Variants in MACROD2 observed in about 807,000 individuals in gnomAD.
The protein encoded by MACROD2 is mono-ADP ribosylhydrolase 2.
In MACROD2, 36 loss-of-function variants were observed where a neutral mutation model predicts 70.4. The ratio of observed to expected loss-of-function variants is 0.51; its 90% CI spans 0.39 to 0.68. The LOEUF (loss-of-function observed/expected upper bound fraction) is 0.68. Ranked by LOEUF, MACROD2 falls within the 30% of genes least tolerant of loss-of-function variation. MACROD2 has a pLI of 0.00. For missense variants in MACROD2, 496 were observed against 538.4 expected, an observed-to-expected ratio of 0.92 and a Z score of 0.78; for synonymous variants, 172 against 178.8, an observed-to-expected ratio of 0.96 and a Z score of 0.30.
intron 8 of MACROD2, among the ~76,000 whole-genome samples, chr20:15,522,979 G>A (rs2047673002): frequency 6.6e-6 from 1 of 152,150 alleles, no homozygotes; most frequent in South Asian, 2.1e-4. Flanking sequence ...CAAAATTATT[G>A]ATGATAAAAA....
At chr20:15,430,738 TAAAG>T (rs975127912) in intron 6 of MACROD2, among the ~76,000 whole-genome samples, 2 of 151,948 alleles carry the variant, frequency 1.3e-5, no homozygotes, top group African/African-American at 4.8e-5. Context: ...TGTACTGACA[TAAAG>T]AACATGTAGC....
intron 6 of MACROD2, among the ~76,000 whole-genome samples, chr20:15,265,272 A>G (rs912020058): frequency 2.0e-5 from 3 of 152,206 alleles, no homozygotes; most frequent in Non-Finnish European, 2.9e-5. Flanking sequence ...CTCAATCAGG[A>G]GTAACTTACT....
At chr20:14,985,651 G>A (rs1194393371) in intron 5 of MACROD2, among the ~76,000 whole-genome samples, 1 of 151,454 alleles carries the variant, frequency 6.6e-6, no homozygotes, top group Non-Finnish European at 1.5e-5. Flanking sequence ...GACTTAATGA[G>A]GGTAGTTTGA....
intron 3 of MACROD2, among the ~76,000 whole-genome samples, chr20:14,104,004 A>C (rs1382181367): frequency 6.6e-6 from 1 of 152,178 alleles, no homozygotes; most frequent in Non-Finnish European, 1.5e-5. Context: ...ACAGACACAC[A>C]TACACATACA....
intron 4 of MACROD2, among the ~76,000 whole-genome samples, chr20:14,584,567 A>G (rs569686826): frequency 2.0e-5 from 3 of 152,172 alleles, no homozygotes; most frequent in East Asian, 3.9e-4. Context: ...AAGACATTTC[A>G]TCATGGGGGC....
chr20:14,494,707 TG>T lies in MACROD2; in HGVS notation c.301+1204del, dbSNP rs1231864641. On this transcript the variant is annotated intron_variant, in intron 4 of 17. Transcript: ENST00000684519. ...GCCAAGTAACTAAGTAATAGAACAG[TG>T]GGGGATTCATAAATGTCTATTTCTT... Among the ~76,000 whole-genome samples, 4 of 152,042 alleles carry T rather than the reference TG, an allele frequency of 2.6e-5. No individual in the cohort carries two copies. In the East Asian group the frequency reaches 7.7e-4, roughly 29 times the overall value.
In MACROD2 at chr20:14,826,347, C is replaced by T. The variant is rs1033865839; in HGVS notation, c.418+141388C>T. On this transcript the variant is annotated intron_variant, in intron 5 of 17. Coordinates refer to ENST00000684519, the MANE Select transcript of MACROD2 (RefSeq NM_001351661.2). The stretch of plus-strand genomic sequence containing the variant: ...TATATCCCCAAGGTTTTAGCATCCT[C>T]ATTGTATATCAGGCTAATGTCTCTA... 7.9e-5 allele frequency among the ~76,000 whole-genome samples: 12 copies of T among 152,092 alleles called. 1 individual carries two copies. Among genetic ancestry groups the T allele is most frequent in the African/African-American group, 2.4e-4 (10 of 41,424 alleles).
At chr20:14,610,584 T>C (rs191677088) in intron 4 of MACROD2, among the ~76,000 whole-genome samples, 1 of 152,232 alleles carries the variant, frequency 6.6e-6, no homozygotes, top group Admixed American at 6.5e-5. Context: ...CATGAGTAAG[T>C]ATAGTGTTTG....
chr20:14,658,998 T>C (rs144261075), intron 4 of MACROD2, among the ~76,000 whole-genome samples: 53 of 152,306 alleles, frequency 3.5e-4, no homozygotes, highest in African/African-American at 1.2e-3. Context: ...TGCCAAACTC[T>C]AGACTGTTGG....
chr20:15,164,585 G>T lies in MACROD2; in HGVS notation c.419-65355G>T, dbSNP rs527862688. 2.0e-5 allele frequency among the ~76,000 whole-genome samples: 3 copies of T among 152,252 alleles called. No individual in the cohort carries two copies. The South Asian group carries it at 6.2e-4, about 32-fold the overall frequency. ...GAAAAAATAAAGATTGAATATTAAT[G>T]AGGTGTAAGGCTAATTGAAGAAGTA... On this transcript the variant is annotated intron_variant, in intron 5 of 17. Coordinates refer to ENST00000684519, the MANE Select transcript of MACROD2 (RefSeq NM_001351661.2).
At chr20:15,064,595 C>A (rs2123089766) in intron 5 of MACROD2, among the ~76,000 whole-genome samples, 1 of 152,276 alleles carries the variant, frequency 6.6e-6, no homozygotes, top group East Asian at 1.9e-4. Flanking sequence ...CTGGTATCAG[C>A]CATTTCCTAA....
At chr20:15,645,702 A>G (rs1350228464) in intron 8 of MACROD2, among the ~76,000 whole-genome samples, 3 of 152,198 alleles carry the variant, frequency 2.0e-5, no homozygotes, top group Admixed American at 1.3e-4. Flanking sequence ...TTAAAAAGAT[A>G]CTCTTACTTA....
chr20:15,942,394 T>C (rs1469488138), intron 12 of MACROD2, among the ~76,000 whole-genome samples: 2 of 152,158 alleles, frequency 1.3e-5, no homozygotes, highest in African/African-American at 2.4e-5. Flanking sequence ...GCAACCAGGA[T>C]TGAATTGAAA....
At chr20:14,818,202 C>T (rs868715863) in intron 5 of MACROD2, among the ~76,000 whole-genome samples, 25 of 152,068 alleles carry the variant, frequency 1.6e-4, no homozygotes, top group Non-Finnish European at 1.2e-4. Context: ...TATGACACAC[C>T]ACCATCATTG....
intron 8 of MACROD2, among the ~76,000 whole-genome samples, chr20:15,839,952 A>T (rs1483980802): frequency 2.0e-5 from 3 of 152,216 alleles, no homozygotes; most frequent in African/African-American, 7.2e-5. Context: ...AACAAGAATT[A>T]TCTACTGGCT....
chr20:15,868,233 AC>A (rs953075664), intron 9 of MACROD2, among the ~76,000 whole-genome samples: 4 of 152,136 alleles, frequency 2.6e-5, no homozygotes, highest in African/African-American at 9.7e-5. Flanking sequence ...TGGAACATGT[AC>A]CCTCAGCCTG....
At chr20:14,720,049 G>T (rs2071446617) in intron 5 of MACROD2, among the ~76,000 whole-genome samples, 1 of 152,160 alleles carries the variant, frequency 6.6e-6, no homozygotes, top group African/African-American at 2.4e-5. Context: ...TTCTTGAAAA[G>T]CAATTGCATA....
intron 15 of MACROD2, among the ~76,000 whole-genome samples, chr20:15,988,381 T>C (rs2066515221): frequency 1.3e-5 from 2 of 152,202 alleles, no homozygotes; most frequent in East Asian, 3.8e-4. Context: ...TAGACAATGC[T>C]GTGCGTGTTA....
intron 8 of MACROD2, among the ~76,000 whole-genome samples, chr20:15,844,051 C>G (rs2064202814): frequency 1.3e-5 from 2 of 151,646 alleles, no homozygotes; most frequent in Admixed American, 1.3e-4. Flanking sequence ...ATCTAGCATG[C>G]CTGCACATAT....
Sources: allele counts gnomAD v4.1 joint callset (sites outside exome capture counted in the v4.1 genomes callset), GRCh38; gene constraint gnomAD v4.1.1; transcripts MANE v1.5; gene names NCBI Gene and HGNC (gene_info 2026-07-23, HGNC 2026-07-21).